The following ADCY9 variants were observed in gnomAD, a reference collection of about 807,000 sequenced individuals.
The protein encoded by ADCY9 is adenylate cyclase 9.
ADCY9 carries 50 observed loss-of-function variants against 101.5 expected under a neutral mutation model. That is an observed-to-expected ratio of 0.49 (90% CI 0.39 to 0.62). The LOEUF (loss-of-function observed/expected upper bound fraction) is 0.62. ADCY9 is among the 20% of genes least tolerant of loss of function. The probability of loss-of-function intolerance (pLI) is 0.00; values close to 1 mark genes in which losing one functional copy is unlikely to be tolerated. For synonymous variants in ADCY9, 905 were observed against 769.3 expected, an observed-to-expected ratio of 1.18 and a Z score of -2.92; for missense variants, 1,662 against 1,800.4, an observed-to-expected ratio of 0.92 and a Z score of 1.39.
At chr16:4,073,338 C>T (rs1457436038) in intron 2 of ADCY9, among the ~76,000 whole-genome samples, 1 of 152,034 alleles carries the variant, frequency 6.6e-6, no homozygotes, top group Admixed American at 6.6e-5. Flanking sequence ...CAACTCTCCT[C>T]AGCCTCCCAA....
At chr16:4,084,817 TGCTA>T (rs919005343) in intron 2 of ADCY9, among the ~76,000 whole-genome samples, 6 of 152,142 alleles carry the variant, frequency 3.9e-5, no homozygotes, top group Non-Finnish European at 5.9e-5. Flanking sequence ...CTGAGCCGCC[TGCTA>T]GTTATCAGAA....
At chr16:4,093,444 C>A (rs2056985193) in intron 2 of ADCY9, among the ~76,000 whole-genome samples, 1 of 152,178 alleles carries the variant, frequency 6.6e-6, no homozygotes, top group Non-Finnish European at 1.5e-5. Flanking sequence ...AGTATTAAAT[C>A]TCATGGAATC....
intron 2 of ADCY9, among the ~76,000 whole-genome samples, chr16:4,071,357 A>T (rs1597207723): frequency 1.4e-5 from 2 of 146,882 alleles, no homozygotes; most frequent in Admixed American, 6.8e-5. Context: ...AAAAAAAAAA[A>T]AAAAAAATCA....
intron 3 of ADCY9, among the ~76,000 whole-genome samples, chr16:3,998,708 C>CAA (rs1165056665): frequency 0.1 from 376 of 3,598 alleles, 70 homozygotes; most frequent in Admixed American, 0.14. Context: ...AACTCTGTCT[C>CAA]AAAAAAAAAA....
Position 4,114,597 on chromosome 16 carries a change from C to G in ADCY9, c.846G>C (p.Leu282=). 6.2e-7 allele frequency: 1 copy of G among 1,613,840 alleles called. No individual in the cohort carries two copies. Among genetic ancestry groups the G allele is most frequent in the Non-Finnish European group, 8.5e-7 (1 of 1,180,036 alleles). Residue 282 remains leucine, a synonymous_variant, in exon 2 of 11, where the codon CTG becomes CTC. Transcript: ENST00000294016. The surrounding 1 kb of genome is among the most constrained non-coding windows in gnomAD (Gnocchi z 4.3). Reference sequence around the variant, plus strand: ...TGCAGCCGTGGAGCAGCCCCCTGCTCAGCAGCTCCCAGTGCAGGGCCCCGG... The same window carrying G: ...TGCAGCCGTGGAGCAGCCCCCTGCTGAGCAGCTCCCAGTGCAGGGCCCCGG... The part of the protein sequence containing the change: ...PGAGALHWEL[L]SRGLLHGCIH...
chr16:4,051,705 T>G (rs915849410), intron 2 of ADCY9, among the ~76,000 whole-genome samples: 2 of 151,782 alleles, frequency 1.3e-5, no homozygotes, highest in African/African-American at 4.8e-5. Flanking sequence ...AGTCTATGAG[T>G]GTATTGATAG....
At chr16:4,039,679 C>CAAA (rs35158886) in intron 2 of ADCY9, among the ~76,000 whole-genome samples, 12 of 64,532 alleles carry the variant, frequency 1.9e-4, no homozygotes, top group South Asian at 6.2e-4. Flanking sequence ...AACTCTGTCT[C>CAAA]AAAAAAAAAA....
At chr16:4,016,168 T>C (rs572625308) in intron 2 of ADCY9, among the ~76,000 whole-genome samples, 22 of 152,234 alleles carry the variant, frequency 1.4e-4, no homozygotes, top group African/African-American at 5.3e-4. Flanking sequence ...AAGAGAGTCA[T>C]ATGCATTCAA....
intron 6 of ADCY9, among the ~76,000 whole-genome samples, chr16:3,984,767 G>A (rs1315234968): frequency 6.6e-6 from 1 of 152,262 alleles, no homozygotes; most frequent in Non-Finnish European, 1.5e-5. Context: ...GAGGCCATGG[G>A]TGTCCACTCA....
chr16:4,081,714 CT>C (rs1309937588), intron 2 of ADCY9, among the ~76,000 whole-genome samples: 15 of 144,186 alleles, frequency 1.0e-4, no homozygotes, highest in South Asian at 4.6e-4. Context: ...GAGGAGGGCG[CT>C]GTGTCTGCAG....
rs759726663 is a variant in ADCY9 at position 4,114,501 on chromosome 16, C to T, written c.942G>A (p.Gly314=). The change falls in exon 2 of 11, where the codon GGG becomes GGA. Residue 314 remains glycine (G), a synonymous_variant. Coordinates refer to ENST00000294016, the MANE Select transcript of ADCY9 (RefSeq NM_001116.4). The surrounding 1 kb of genome is among the most constrained non-coding windows in gnomAD (Gnocchi z 4.3). ...GGTCCTTCCCGTGCATAATGGATTG[C>T]CCCACCTTGAGGAAGGTGCTCCTGG... ...VRSRSTFLKV[G]QSIMHGKDLE... 4 of 1,614,032 alleles carry T rather than the reference C, an allele frequency of 2.5e-6. No individual in the cohort carries two copies. Among genetic ancestry groups the T allele is most frequent in the African/African-American group, 2.7e-5 (2 of 74,920 alleles).
chr16:4,006,721 G>A (rs1236272576), intron 3 of ADCY9, among the ~76,000 whole-genome samples: 2 of 152,184 alleles, frequency 1.3e-5, no homozygotes, highest in Non-Finnish European at 2.9e-5. Flanking sequence ...AAATGTGAAA[G>A]CAAAGGAACA....
At chr16:4,006,723 A>T (rs2056369652) in intron 3 of ADCY9, among the ~76,000 whole-genome samples, 1 of 152,240 alleles carries the variant, frequency 6.6e-6, no homozygotes, top group Non-Finnish European at 1.5e-5. Context: ...ATGTGAAAGC[A>T]AAGGAACAGC....
At chr16:3,954,035 G>A (rs371833382) in intron 5 of ADCY9, among the ~76,000 whole-genome samples, 1 of 152,178 alleles carries the variant, frequency 6.6e-6, no homozygotes, top group Non-Finnish European at 1.5e-5. Context: ...AACTGACTCA[G>A]GATTTCACAG....
chr16:4,047,853 C>T (rs111859007), intron 2 of ADCY9, among the ~76,000 whole-genome samples: 3,086 of 152,360 alleles, frequency 0.02, 57 homozygotes, highest in Non-Finnish European at 0.033. Context: ...GCCACCGCAT[C>T]CGGCCAGAGT....
At chr16:3,981,481 C>T (rs2056141967) in intron 7 of ADCY9, among the ~76,000 whole-genome samples, 1 of 151,968 alleles carries the variant, frequency 6.6e-6, no homozygotes, top group Admixed American at 6.6e-5. Flanking sequence ...TGGAGGTGCC[C>T]GATAGTTACA....
chr16:3,974,421 C>T (rs1477838509), intron 10 of ADCY9, among the ~76,000 whole-genome samples: 4 of 152,022 alleles, frequency 2.6e-5, no homozygotes, highest in Admixed American at 1.3e-4. Context: ...TTGTTGCATG[C>T]GAAAGTCTTA....
chr16:4,002,344 A>G (rs2531968), intron 3 of ADCY9, among the ~76,000 whole-genome samples: 13,060 of 152,292 alleles, frequency 0.086, 795 homozygotes, highest in East Asian at 0.3. Flanking sequence ...TAATGACTTG[A>G]CACATAGAAA....
intron 2 of ADCY9, among the ~76,000 whole-genome samples, chr16:4,078,891 G>C (rs1274644301): frequency 6.6e-6 from 1 of 152,064 alleles, no homozygotes; most frequent in South Asian, 2.1e-4. Context: ...AAATACAAAA[G>C]GGCAACACAC....
Sources: allele counts gnomAD v4.1 joint callset (sites outside exome capture counted in the v4.1 genomes callset), GRCh38; gene constraint gnomAD v4.1.1; non-coding constraint Gnocchi (gnomAD v3.1); transcripts MANE v1.5; gene names NCBI Gene and HGNC (gene_info 2026-07-23, HGNC 2026-07-21).